ABHD14B: variants seen among roughly 807,000 people sequenced by gnomAD.
ABHD14B encodes abhydrolase domain containing 14B, also known as putative protein-lysine deacylase ABHD14B.
Under a neutral mutation model 15.4 loss-of-function variants are expected in ABHD14B, and 19 were observed. That is an observed-to-expected ratio of 1.23 (90% CI 0.86 to 1.81). The LOEUF is 1.81. ABHD14B is among the 40% of genes most tolerant of loss of function. ABHD14B has a pLI of 0.00. For synonymous variants in ABHD14B, 92 were observed against 117.3 expected (o/e 0.78, Z 1.39); for missense variants, 243 against 267.0 (o/e 0.91, Z 0.63).
intron 1 of ABHD14B, 120 bp downstream of exon 1, chr3:51,973,845 G>C (rs767971505): frequency 1.6e-6 from 2 of 1,289,596 alleles, no homozygotes; most frequent in Non-Finnish European, 2.0e-6. Flanking sequence ...GGGAGCACCG[G>C]GAGGGAATGG....
At position 51,969,501 on chromosome 3, in the gene ABHD14B, C is replaced by T. The variant is rs375086697; in HGVS notation, c.558G>A (p.Ala186=). ...GTTTGTCCAGGTAACAGGGGTGCCC[C>T]GCCCCCTTCATGATCAGCACCCGGT... ...PNHRVLIMKG[A]GHPCYLDKPE... Residue 186 remains alanine, a synonymous_variant, in exon 4 of 4, where the codon GCG becomes GCA. Coordinates refer to ENST00000361143, the MANE Select transcript of ABHD14B (RefSeq NM_001146314.2). 2.4e-5 allele frequency: 38 copies of T among 1,613,862 alleles called. No homozygotes were observed. In the East Asian group the frequency reaches 4.7e-4, roughly 20 times the overall value.
Position 51,971,513 on chromosome 3 carries a change from G to T in ABHD14B, c.158C>A (p.Thr53Lys). The T allele has an allele frequency of 1.2e-5, 20 of 1,612,716 alleles. No individual in the cohort carries two copies. Among genetic ancestry groups the T allele is most frequent in the Non-Finnish European group, 1.7e-5 (20 of 1,179,314 alleles). Residue 53 changes from threonine (T) to lysine (K), a missense_variant, in exon 2 of 4, where the codon ACA (threonine) becomes AAA (lysine). Coordinates refer to ENST00000361143, the MANE Select transcript of ABHD14B (RefSeq NM_001146314.2). ...FSSETWQNLG[T>K]LHRLAQAGYR... Reference sequence around the variant, plus strand: ...GCCAGCCTGGGCCAGCCTGTGCAGTGTACCCAGGTTCTGCCAGGTCTCGGA... The same window carrying T: ...GCCAGCCTGGGCCAGCCTGTGCAGTTTACCCAGGTTCTGCCAGGTCTCGGA...
In ABHD14B at chr3:51,970,120, G is replaced by A; in HGVS notation, c.276C>T (p.Phe92=). 1 of 1,578,428 alleles carries A rather than the reference G, an allele frequency of 6.3e-7. No homozygotes were observed. Residue 92 remains phenylalanine, a synonymous_variant, in exon 3 of 4, where the codon TTC becomes TTT. Coordinates refer to ENST00000361143, the MANE Select transcript of ABHD14B (RefSeq NM_001146314.2). ...APIGELAPGS[F]LAAVVDALEL... ...CCAAGGCATCCACCACAGCCGCCAG[G>A]AAGCTGCCAGGGGCCAGCTCCCCAA...
chr3:51,974,099 C>T (rs1171762591), upstream of ABHD14B: 1 of 1,236,256 alleles, frequency 8.1e-7, no homozygotes. Flanking sequence ...TCCGGGGCGC[C>T]CTCTTGTGGC....
chr3:51,974,326 C>G (rs140723979), upstream of ABHD14B: 2 of 331,488 alleles, frequency 6.0e-6, no homozygotes, highest in African/African-American at 2.2e-5. Flanking sequence ...TCCCCCTTAT[C>G]CCCAGCTTGA....
upstream of ABHD14B, chr3:51,974,207 T>C: frequency 2.2e-6 from 1 of 458,688 alleles, no homozygotes. Flanking sequence ...AACGCGGTGC[T>C]GAGCACGGTT....
chr3:51,972,769 C>T (rs113789650), intron 1 of ABHD14B, among the ~76,000 whole-genome samples: 27 of 152,266 alleles, frequency 1.8e-4, no homozygotes, highest in Middle Eastern at 6.8e-3. Context: ...ATGCCTAGCA[C>T]GTAGTAAGGG....
At chr3:51,969,814 G>A in intron 3 of ABHD14B, 129 bp downstream of exon 3, 1 of 1,540,880 alleles carries the variant, frequency 6.5e-7, no homozygotes, top group South Asian at 1.1e-5. Flanking sequence ...AAACCAAAAG[G>A]GTGGAGTTGG....
intron 2 of ABHD14B, 83 bp from the exon 3 acceptor site, chr3:51,970,267 C>A: frequency 6.6e-7 from 1 of 1,504,876 alleles, no homozygotes; most frequent in Non-Finnish European, 8.9e-7. Context: ...TCCAGGAAGC[C>A]CTCCTAGGTC....
chr3:51,971,741 T>C lies in ABHD14B; in HGVS notation c.-28-43A>G, dbSNP rs777495936. The C allele has an allele frequency of 3.8e-6, 6 of 1,558,970 alleles. No individual in the cohort carries two copies. The African/African-American group carries it at 6.8e-5, about 18-fold the overall frequency. ...GATGATGAGGGGCCACAGAACACCC[T>C]GCCCAGGGTGGCAGTCCCAGAGGAG... On this transcript the variant is annotated intron_variant, in intron 1 of 3. Coordinates refer to ENST00000361143, the MANE Select transcript of ABHD14B (RefSeq NM_001146314.2).
intron 1 of ABHD14B, among the ~76,000 whole-genome samples, chr3:51,972,236 CA>C (rs1167050121): frequency 0.037 from 1,502 of 40,880 alleles, 7 homozygotes; most frequent in Middle Eastern, 0.083. Context: ...GACTCGGTCA[CA>C]AAAAAAAAAA....
At position 51,968,632 on chromosome 3, in the gene ABHD14B, C is replaced by T. The variant is rs891519965; in HGVS notation, c.*794G>A. On this transcript the variant is annotated 3_prime_UTR_variant, in exon 4 of 4. Coordinates refer to ENST00000361143, the MANE Select transcript of ABHD14B (RefSeq NM_001146314.2). ...GCCTGGTAACCTGAGGTGTAGAGCA[C>T]CCAGAAGGAAGGGTAAAAGCAGGGG... is the stretch of plus-strand genomic sequence containing the variant. 1.3e-5 allele frequency: 2 copies of T among 152,194 alleles called. No individual in the cohort carries two copies. The highest frequency in any genetic ancestry group is 4.8e-5 in the African/African-American group (2 of 41,390). 9.4% of individuals were successfully genotyped at this position (152,194 alleles called of 1,614,324 possible).
chr3:51,973,374 C>T (rs1253157498), intron 1 of ABHD14B, among the ~76,000 whole-genome samples: 2 of 150,800 alleles, frequency 1.3e-5, no homozygotes, highest in Non-Finnish European at 3.0e-5. Context: ...TTAGTAGAAA[C>T]GGGGTTTCAT....
intron 2 of ABHD14B, 129 bp downstream of exon 2, chr3:51,971,331 C>G (rs902812037): frequency 4.2e-5 from 48 of 1,131,404 alleles, no homozygotes; most frequent in Admixed American, 4.0e-4. Context: ...CAGGGCCCAG[C>G]CTGGCTGGGT....
chr3:51,970,529 T>C (rs1022502145), intron 2 of ABHD14B: 14 of 551,688 alleles, frequency 2.5e-5, no homozygotes, highest in African/African-American at 2.4e-4. Context: ...CTGCTCAGTT[T>C]CCCCATCTGT....
At chr3:51,973,816 T>C (rs1186489082) in intron 1 of ABHD14B, 149 bp downstream of exon 1, 10 of 1,288,866 alleles carry the variant, frequency 7.8e-6, no homozygotes, top group Non-Finnish European at 1.0e-5. Context: ...ACTACGGTTC[T>C]GGCTCGCTAG....
intron 1 of ABHD14B, among the ~76,000 whole-genome samples, chr3:51,972,334 C>T (rs1407124976): frequency 6.6e-6 from 1 of 151,586 alleles, no homozygotes; most frequent in African/African-American, 2.4e-5. Flanking sequence ...TTTTGGGAGG[C>T]CGAGGCGGGC....
chr3:51,969,842 G>C (rs777899228), intron 3 of ABHD14B, 101 bp downstream of exon 3: 9 of 1,601,100 alleles, frequency 5.6e-6, no homozygotes. Context: ...GCTCCTCCCA[G>C]AAGACACCCC....
At position 51,971,616 on chromosome 3, in the gene ABHD14B, G is replaced by C; in HGVS notation, c.55C>G (p.Leu19Val). Residue 19 changes from leucine (L) to valine (V), a missense_variant, in exon 2 of 4, where the codon CTC (leucine) becomes GTC (valine). By Grantham distance (32) the Leu-to-Val change is conservative. Transcript: ENST00000361143. ...EGTIQVQGQA[L>V]FFREALPGSG... ...CCGGGCAGGGCCTCTCGGAAGAAGAGGGCCTGGCCCTGCACCTGGATGGTG... is the reference window on the plus strand; with the variant it reads ...CCGGGCAGGGCCTCTCGGAAGAAGACGGCCTGGCCCTGCACCTGGATGGTG... The C allele has an allele frequency of 6.2e-7, 1 of 1,613,344 alleles. No individual in the cohort carries two copies. Among genetic ancestry groups the C allele is most frequent in the South Asian group, 1.1e-5 (1 of 91,062 alleles).
Sources: gnomAD v4.1 joint callset for allele counts (sites outside exome capture counted in the v4.1 genomes callset) on GRCh38, gnomAD v4.1.1 for gene constraint, MANE v1.5 for transcripts, NCBI Gene and HGNC (gene_info 2026-07-23, HGNC 2026-07-21) for gene names.